The following TMEM65 variants were observed in gnomAD, a reference collection of about 807,000 sequenced individuals.
TMEM65 encodes the protein transmembrane protein 65.
TMEM65 carries 22 observed loss-of-function variants against 25.4 expected under a neutral mutation model. The observed-to-expected ratio is 0.86, with a 90% confidence interval of 0.62 to 1.23. The LOEUF (loss-of-function observed/expected upper bound fraction) is 1.23, where lower values mean the gene tolerates loss of function less well. Ranked by LOEUF, TMEM65 falls within the 50% of genes most tolerant of loss-of-function variation. The probability of loss-of-function intolerance (pLI) is 0.00; values close to 1 mark genes in which losing one functional copy is unlikely to be tolerated. For synonymous variants in TMEM65, 132 were observed against 126.2 expected, an observed-to-expected ratio of 1.05 and a Z score of -0.31; for missense variants, 262 against 308.2, an observed-to-expected ratio of 0.85 and a Z score of 1.12.
chr8:124,371,722 G>C (rs950252757), intron 1 of TMEM65, 132 bp downstream of exon 1: 5 of 908,622 alleles, frequency 5.5e-6, no homozygotes, highest in Admixed American at 4.1e-5. Context: ...CGTGGGGCCA[G>C]ACAGGCGAGG....
chr8:124,334,868 T>A (rs1291843727), intron 1 of TMEM65, among the ~76,000 whole-genome samples: 2 of 150,704 alleles, frequency 1.3e-5, no homozygotes, highest in Non-Finnish European at 3.0e-5. Flanking sequence ...GAAAATGATG[T>A]CAGATCAATA....
chr8:124,368,126 A>C (rs886244017), intron 1 of TMEM65, among the ~76,000 whole-genome samples: 1 of 151,642 alleles, frequency 6.6e-6, no homozygotes, highest in Non-Finnish European at 1.5e-5. Flanking sequence ...AACCTCAAAG[A>C]TGTACCCCCG....
chr8:124,332,190 A>C (rs2131205229), intron 1 of TMEM65, among the ~76,000 whole-genome samples: 1 of 152,314 alleles, frequency 6.6e-6, no homozygotes, highest in East Asian at 1.9e-4. Flanking sequence ...CAAATTTCTA[A>C]CTAAGAATAC....
intron 1 of TMEM65, among the ~76,000 whole-genome samples, chr8:124,344,151 A>G (rs546544804): frequency 6.6e-5 from 10 of 152,314 alleles, no homozygotes; most frequent in African/African-American, 2.2e-4. Context: ...GATCAACCAC[A>G]TATGTGGGTA....
At chr8:124,331,069 C>G (rs1351340102) in intron 1 of TMEM65, among the ~76,000 whole-genome samples, 1 of 151,780 alleles carries the variant, frequency 6.6e-6, no homozygotes, top group Non-Finnish European at 1.5e-5. Flanking sequence ...TTTCAGATTT[C>G]TTTAAAGTCC....
At chr8:124,325,212 G>T (rs1039336088) in intron 3 of TMEM65, among the ~76,000 whole-genome samples, 3 of 151,798 alleles carry the variant, frequency 2.0e-5, no homozygotes, top group Non-Finnish European at 4.4e-5. Context: ...AAAAAAAGAA[G>T]AATCAACTAT....
At chr8:124,314,117 G>A (rs1814202104) in intron 6 of TMEM65, 56 bp from the exon 7 acceptor site, 3 of 1,427,304 alleles carry the variant, frequency 2.1e-6, no homozygotes, top group Admixed American at 1.8e-5. Context: ...TAACAAGAAG[G>A]CAGAGAAAAA....
intron 1 of TMEM65, among the ~76,000 whole-genome samples, chr8:124,341,877 C>T (rs73332171): frequency 0.021 from 3,217 of 151,614 alleles, 120 homozygotes; most frequent in African/African-American, 0.073. Flanking sequence ...TGAAACATCT[C>T]GTATATAAGC....
chr8:124,363,594 T>C (rs931040528), intron 1 of TMEM65, among the ~76,000 whole-genome samples: 5 of 151,930 alleles, frequency 3.3e-5, no homozygotes, highest in Admixed American at 2.6e-4. Flanking sequence ...TCCCAGCACT[T>C]TGGGAGGCCG....
chr8:124,333,670 A>T (rs1814465437), intron 1 of TMEM65, among the ~76,000 whole-genome samples: 1 of 152,192 alleles, frequency 6.6e-6, no homozygotes, highest in Non-Finnish European at 1.5e-5. Context: ...CAAACTACAA[A>T]CAAAAATACA....
intron 1 of TMEM65, among the ~76,000 whole-genome samples, chr8:124,362,456 G>A (rs1030719668): frequency 6.6e-6 from 1 of 151,868 alleles, no homozygotes; most frequent in Non-Finnish European, 1.5e-5. Flanking sequence ...GAGGTCAGGA[G>A]TTCAACACAA....
At chr8:124,356,307 T>C (rs1197893885) in intron 1 of TMEM65, among the ~76,000 whole-genome samples, 4 of 152,206 alleles carry the variant, frequency 2.6e-5, no homozygotes, top group Non-Finnish European at 5.9e-5. Flanking sequence ...CCCCCATGCA[T>C]GCCAATAAAT....
At position 124,308,864 on chromosome 8, in the gene TMEM65, CCATA is replaced by C. The variant is rs1355142596; in HGVS notation, c.*5092_*5095del. 7.2e-5 allele frequency: 11 copies of C among 152,162 alleles called. No individual in the cohort carries two copies. Among genetic ancestry groups the C allele is most frequent in the African/African-American group, 2.7e-4 (11 of 41,440 alleles). The allele number at this position is 152,162 out of a possible 1,614,324, so 9.4% of individuals were successfully genotyped here. A position where few individuals can be genotyped will look rare whatever the true frequency, so the allele number is the denominator to read the frequency against. On this transcript the variant is annotated 3_prime_UTR_variant, in exon 7 of 7. Transcript: ENST00000297632. ...GCAAATGGTGGAAGAAGGATTAATACCATATATAGAAATATTTTGAGAAATGAAA... is the reference window on the plus strand; with the variant it reads ...GCAAATGGTGGAAGAAGGATTAATACTATAGAAATATTTTGAGAAATGAAA...
intron 2 of TMEM65, among the ~76,000 whole-genome samples, chr8:124,330,066 C>A (rs1475145556): frequency 6.6e-6 from 1 of 151,794 alleles, no homozygotes; most frequent in South Asian, 2.1e-4. Context: ...TTTGTGGCTT[C>A]TTCAATTTAC....
At chr8:124,341,117 TA>T (rs1814578931) in intron 1 of TMEM65, among the ~76,000 whole-genome samples, 2 of 151,954 alleles carry the variant, frequency 1.3e-5, no homozygotes, top group South Asian at 4.1e-4. Flanking sequence ...ATAAGAGAAA[TA>T]ATTTTATATA....
At chr8:124,356,033 G>A (rs548315964) in intron 1 of TMEM65, among the ~76,000 whole-genome samples, 1 of 152,280 alleles carries the variant, frequency 6.6e-6, no homozygotes, top group South Asian at 2.1e-4. Flanking sequence ...ACCTGAAGGA[G>A]GGGAATAGCA....
At chr8:124,323,064 A>G (rs1257614327) in intron 4 of TMEM65, among the ~76,000 whole-genome samples, 1 of 152,118 alleles carries the variant, frequency 6.6e-6, no homozygotes, top group Non-Finnish European at 1.5e-5. Flanking sequence ...GTAACACTGA[A>G]TTGCCAGAAA....
At chr8:124,318,735 A>G (rs1043587163) in intron 6 of TMEM65, among the ~76,000 whole-genome samples, 1 of 152,098 alleles carries the variant, frequency 6.6e-6, no homozygotes, top group African/African-American at 2.4e-5. Flanking sequence ...TGCATTTCTA[A>G]GAAGTTACCA....
At chr8:124,334,759 G>A (rs1586462819) in intron 1 of TMEM65, among the ~76,000 whole-genome samples, 4 of 77,768 alleles carry the variant, frequency 5.1e-5, no homozygotes, top group South Asian at 5.3e-4. Context: ...ACAAGACTCC[G>A]TCTCAAAAAA....
Sources: gnomAD v4.1 joint callset for allele counts (sites outside exome capture counted in the v4.1 genomes callset) on GRCh38, gnomAD v4.1.1 for gene constraint, MANE v1.5 for transcripts, NCBI Gene and HGNC (gene_info 2026-07-23, HGNC 2026-07-21) for gene names.